The following OR2L13 variants were observed in gnomAD, a reference collection of about 807,000 sequenced individuals.
OR2L13 encodes olfactory receptor family 2 subfamily L member 13.
OR2L13 carries 14 observed loss-of-function variants against 15.3 expected under a neutral mutation model. That is an observed-to-expected ratio of 0.91 (90% CI 0.60 to 1.43). The LOEUF is 1.43. Ranked by LOEUF, OR2L13 falls within the 40% of genes most tolerant of loss-of-function variation. The probability of loss-of-function intolerance (pLI) is 0.00; values close to 1 mark genes in which losing one functional copy is unlikely to be tolerated. For synonymous variants in OR2L13, 152 were observed against 142.9 expected (o/e 1.06, Z -0.45); for missense variants, 367 against 387.9 (o/e 0.95, Z 0.45).
the OR2L13 span, among the ~76,000 whole-genome samples, chr1:248,006,297 A>T: frequency 6.8e-6 from 1 of 146,404 alleles, no homozygotes; most frequent in African/African-American, 2.5e-5. Context: ...TTGTGTGCAT[A>T]AGAACGCCAG....
At chr1:248,069,901 G>A in the OR2L13 span, among the ~76,000 whole-genome samples, 2 of 152,090 alleles carry the variant, frequency 1.3e-5, no homozygotes, top group South Asian at 2.1e-4. Flanking sequence ...ATGGTAAAGG[G>A]ATCAATTCAA....
At chr1:248,059,807 G>A in the OR2L13 span, among the ~76,000 whole-genome samples, 2 of 152,130 alleles carry the variant, frequency 1.3e-5, no homozygotes, top group African/African-American at 4.8e-5. Flanking sequence ...CATTTGCAAG[G>A]CCAAGACAGG....
the OR2L13 span, chr1:247,949,825 T>C: frequency 1.3e-6 from 2 of 1,545,204 alleles, no homozygotes; most frequent in Non-Finnish European, 1.8e-6. Context: ...GTCTCAGGAC[T>C]CAGATACACA....
chr1:248,021,946 C>T, the OR2L13 span: 82 of 1,609,300 alleles, frequency 5.1e-5, no homozygotes, highest in Non-Finnish European at 6.4e-5. Context: ...TATGAATGCC[C>T]CATGGAAAAT....
the OR2L13 span, among the ~76,000 whole-genome samples, chr1:248,010,779 T>TTTTTTTTTTTTC: frequency 7.2e-6 from 1 of 138,818 alleles, no homozygotes; most frequent in Non-Finnish European, 1.6e-5. Context: ...TTTTTTTTTT[T>TTTTTTTTTTTTC]TTTTTTTTGC....
At chr1:248,018,367 T>G in the OR2L13 span, among the ~76,000 whole-genome samples, 1 of 152,168 alleles carries the variant, frequency 6.6e-6, no homozygotes, top group South Asian at 2.1e-4. Context: ...GAATGTTGTG[T>G]TAGTAATTAC....
the OR2L13 span, among the ~76,000 whole-genome samples, chr1:247,958,017 T>G: frequency 6.6e-6 from 1 of 152,104 alleles, no homozygotes; most frequent in African/African-American, 2.4e-5. Context: ...TTCTCTAGTT[T>G]TTTTAATGGT....
At chr1:248,022,588 C>T in the OR2L13 span, 851 of 1,614,156 alleles carry the variant, frequency 5.3e-4, 1 homozygote, top group Non-Finnish European at 7.0e-4. Flanking sequence ...ACTGGCATTG[C>T]GTGTTCCTAT....
chr1:248,054,850 G>C, the OR2L13 span, among the ~76,000 whole-genome samples: 1 of 152,274 alleles, frequency 6.6e-6, no homozygotes, highest in East Asian at 1.9e-4. Flanking sequence ...GGCTGAGTCA[G>C]TCTGGTTTTC....
the OR2L13 span, chr1:247,975,065 G>A: frequency 3.5e-4 from 113 of 326,814 alleles, no homozygotes; most frequent in African/African-American, 2.3e-3. Context: ...TTTAGCAGGT[G>A]CAGAAATGCT....
the OR2L13 span, among the ~76,000 whole-genome samples, chr1:247,945,381 T>C: frequency 5.9e-5 from 9 of 152,308 alleles, no homozygotes; most frequent in African/African-American, 2.2e-4. Flanking sequence ...CTGTTTGTTA[T>C]GGTTTCATTT....
chr1:248,019,670 A>T, the OR2L13 span, among the ~76,000 whole-genome samples: 1 of 152,080 alleles, frequency 6.6e-6, no homozygotes, highest in Non-Finnish European at 1.5e-5. Context: ...CAAAAAATAT[A>T]TTGCTGTTTA....
At chr1:248,067,006 A>C in the OR2L13 span, among the ~76,000 whole-genome samples, 1 of 152,236 alleles carries the variant, frequency 6.6e-6, no homozygotes, top group Non-Finnish European at 1.5e-5. Flanking sequence ...TTCCAGGAGA[A>C]GACGAAGGGC....
upstream of OR2L13, chr1:248,095,275 T>A (rs994091795): frequency 7.9e-5 from 12 of 152,218 alleles, no homozygotes; most frequent in African/African-American, 2.9e-4. Context: ...AGGAAGAGAC[T>A]TTATCTAAAC....
chr1:247,975,618 C>G, the OR2L13 span: 1 of 1,296,416 alleles, frequency 7.7e-7, no homozygotes, highest in East Asian at 2.3e-5. Context: ...TGATGGGGGC[C>G]CTGACACGAG....
the OR2L13 span, among the ~76,000 whole-genome samples, chr1:248,078,254 G>C: frequency 6.6e-6 from 1 of 152,040 alleles, no homozygotes; most frequent in Admixed American, 6.6e-5. Context: ...AGGCTGAGGC[G>C]GGTGGATCAC....
At chr1:248,093,002 G>A (rs1664635615), upstream of OR2L13, among the ~76,000 whole-genome samples, 1 of 152,156 alleles carries the variant, frequency 6.6e-6, no homozygotes. Flanking sequence ...GCTGAGCCTT[G>A]TGCAAAAGTA....
the OR2L13 span, among the ~76,000 whole-genome samples, chr1:248,000,123 G>GGTGTGTGTGT: frequency 1.4e-5 from 2 of 138,298 alleles, no homozygotes; most frequent in East Asian, 2.1e-4. Flanking sequence ...TTTTTTTTTT[G>GGTGTGTGTGT]GTGTGTGTGT....
chr1:248,098,101 T>A (rs1664774275), intron 1 of OR2L13, among the ~76,000 whole-genome samples: 1 of 152,200 alleles, frequency 6.6e-6, no homozygotes, highest in Admixed American at 6.5e-5. Context: ...TCGTTTGGAA[T>A]ACTTTTTGAA....
Sources: allele counts gnomAD v4.1 joint callset (sites outside exome capture counted in the v4.1 genomes callset), GRCh38; gene constraint gnomAD v4.1.1; transcripts MANE v1.5; gene names NCBI Gene and HGNC (gene_info 2026-07-23, HGNC 2026-07-21).